MACF1: variants seen among roughly 807,000 people sequenced by gnomAD.
MACF1 encodes microtubule-actin cross-linking factor 1.
Under a neutral mutation model 854.8 loss-of-function variants are expected in MACF1, and 193 were observed. The ratio of observed to expected loss-of-function variants is 0.23; its 90% CI spans 0.20 to 0.25. MACF1 has a LOEUF of 0.25. Among genes scored for constraint, MACF1 ranks in the 10% least tolerant of loss-of-function variants. The pLI is 1.00. For missense variants in MACF1, 7,722 were observed against 8,929.1 expected, an observed-to-expected ratio of 0.86 and a Z score of 5.45; for synonymous variants, 3,185 against 3,226.7, an observed-to-expected ratio of 0.99 and a Z score of 0.44.
At chr1:39,124,538 TAATTA>T (rs1195744796) in intron 2 of MACF1, among the ~76,000 whole-genome samples, 3 of 152,224 alleles carry the variant, frequency 2.0e-5, no homozygotes, top group Non-Finnish European at 4.4e-5. Flanking sequence ...TTATTACTAA[TAATTA>T]AATTAGGCAA....
intron 6 of MACF1, among the ~76,000 whole-genome samples, chr1:39,268,191 C>T (rs1167918234): frequency 6.6e-6 from 1 of 152,112 alleles, no homozygotes; most frequent in Non-Finnish European, 1.5e-5. Flanking sequence ...TTTGCTTTTT[C>T]CCTTTTTGGT....
rs1185395603 is a variant in MACF1 at position 39,454,786 on chromosome 1, C to T, written c.20887-123C>T. The T allele has an allele frequency of 8.4e-6, 7 of 834,104 alleles. No individual in the cohort carries two copies. The African/African-American group carries it at 8.7e-5, about 10-fold the overall frequency. 51.7% of individuals were successfully genotyped at this position (834,104 alleles called of 1,614,324 possible). On this transcript the variant is annotated intron_variant, in intron 88 of 100. Coordinates refer to ENST00000564288, the MANE Select transcript of MACF1 (RefSeq NM_001394062.1). ...CTACACTCCAGTGTGGGTGACAGAG[C>T]GAGAGTCTGTCTCCAAAAAAATAAA...
At position 39,347,218 on chromosome 1, in the gene MACF1, T is replaced by G. The variant is rs1283277551; in HGVS notation, c.10815+8T>G. Reference sequence around the variant, plus strand: ...CAGGAAGCCCTGGTGAAGGTCAGACTGAACCAGCAGCTGGGCTCAGTTTGT... The same window carrying G: ...CAGGAAGCCCTGGTGAAGGTCAGACGGAACCAGCAGCTGGGCTCAGTTTGT... On this transcript the variant is annotated splice_region_variant and intron_variant, in intron 41 of 100. Coordinates refer to ENST00000564288, the MANE Select transcript of MACF1 (RefSeq NM_001394062.1). 1 of 1,598,500 alleles carries G rather than the reference T, an allele frequency of 6.3e-7. No homozygotes were observed. Among genetic ancestry groups the G allele is most frequent in the East Asian group, 2.2e-5 (1 of 44,828 alleles).
At chr1:39,303,786 C>T (rs528184230) in intron 23 of MACF1, among the ~76,000 whole-genome samples, 2 of 151,078 alleles carry the variant, frequency 1.3e-5, no homozygotes, top group East Asian at 3.9e-4. Flanking sequence ...ATCAGAGAAT[C>T]GCTTGAACCT....
chr1:39,214,531 G>T (rs533798305), intron 1 of MACF1, among the ~76,000 whole-genome samples: 4 of 152,198 alleles, frequency 2.6e-5, no homozygotes, highest in Non-Finnish European at 5.9e-5. Flanking sequence ...TGCCATTCCT[G>T]GCTGTGAGGG....
chr1:39,347,099 G>C lies in MACF1; in HGVS notation c.10704G>C (p.Arg3568Ser). ...LSPQQNRQML[R>S]LLNELQRSFQ... ...CTCAGCAGAATCGACAGATGCTGAG[G>C]CTTCTGAATGAACTGCAGAGGTCCT... The change falls in exon 41 of 101, where the codon AGG (arginine) becomes AGC (serine). Residue 3568 changes from arginine to serine, a missense_variant. By Grantham distance (110) the Arg-to-Ser change is moderately radical (BLOSUM62 -1). Around this residue, in one of 15 missense-constraint regions of MACF1, gnomAD observed 854 missense variants for 852.6 expected, o/e 1.00. Transcript: ENST00000564288. 2 of 1,614,104 alleles carry C rather than the reference G, an allele frequency of 1.2e-6. No homozygotes were observed. The highest frequency in any genetic ancestry group is 1.7e-6 in the Non-Finnish European group (2 of 1,179,938).
At chr1:39,391,499 C>T (rs1350428868) in intron 58 of MACF1, among the ~76,000 whole-genome samples, 1 of 152,182 alleles carries the variant, frequency 6.6e-6, no homozygotes, top group African/African-American at 2.4e-5. Context: ...TATCACTTTT[C>T]ACTGCTGTCA....
chr1:39,231,350 C>A, intron 2 of MACF1, 107 bp downstream of exon 2: 1 of 997,584 alleles, frequency 1.0e-6, no homozygotes, highest in Non-Finnish European at 1.6e-6. Context: ...GTGCTCAAGT[C>A]TATGAAGATA....
At chr1:39,367,144 A>G (rs1045698092) in intron 49 of MACF1, among the ~76,000 whole-genome samples, 3 of 151,712 alleles carry the variant, frequency 2.0e-5, no homozygotes, top group African/African-American at 7.3e-5. Context: ...ACGGAGTTTC[A>G]CCATGTTGGC....
intron 2 of MACF1, among the ~76,000 whole-genome samples, chr1:39,120,778 C>T (rs1307456185): frequency 2.2e-5 from 3 of 138,320 alleles, no homozygotes; most frequent in African/African-American, 8.1e-5. Flanking sequence ...GTGAAATAAG[C>T]ACATCATGGA....
rs775732861 is a variant in MACF1, at chr1:39,285,591, C to T, written c.1354-13C>T. On this transcript the variant is annotated splice_polypyrimidine_tract_variant and intron_variant, in intron 13 of 100. Transcript: ENST00000564288. The stretch of plus-strand genomic sequence containing the variant: ...GGAAGTTTTCCCACTGTTATTCTCT[C>T]TTCCTGTCTCAGGATGCTGCTCACC... 13 of 1,611,478 alleles carry T rather than the reference C, an allele frequency of 8.1e-6. No individual in the cohort carries two copies. The highest frequency in any genetic ancestry group is 1.1e-5 in the Non-Finnish European group (13 of 1,178,384).
chr1:39,209,704 A>T (rs1644493939), intron 1 of MACF1, among the ~76,000 whole-genome samples: 1 of 152,136 alleles, frequency 6.6e-6, no homozygotes, highest in African/African-American at 2.4e-5. Context: ...GATCAATTAT[A>T]AAATGGCCAA....
rs1647682975 is a variant in MACF1 at position 39,357,360 on chromosome 1, A to T, written c.11425-15A>T. The T allele has an allele frequency of 2.5e-6, 4 of 1,590,090 alleles. No homozygotes were observed. The highest frequency in any genetic ancestry group is 3.4e-6 in the Non-Finnish European group (4 of 1,165,382). ...TACTGATTGTCCTTTGTTTGGGGGG[A>T]TTTTTTTTTACCAGGCCCGTCACCA... On this transcript the variant is annotated splice_polypyrimidine_tract_variant and intron_variant, in intron 44 of 100. Transcript: ENST00000564288.
intron 55 of MACF1, 30 bp from the exon 56 acceptor site, chr1:39,381,923 G>A (rs1401440315): frequency 6.5e-7 from 1 of 1,534,508 alleles, no homozygotes; most frequent in African/African-American, 1.4e-5. Context: ...ATAATGTAAA[G>A]GAATACATTC....
rs367715036 is a variant in MACF1 at position 39,451,160 on chromosome 1, G to C, written c.20367G>C (p.Gln6789His). 6.2e-7 allele frequency: 1 copy of C among 1,614,180 alleles called. No homozygotes were observed. The highest frequency in any genetic ancestry group is 8.5e-7 in the Non-Finnish European group (1 of 1,180,032). Residue 6789 changes from glutamine to histidine, a missense_variant, in exon 85 of 101, where the codon CAG (glutamine) becomes CAC (histidine). Gln to His is a conservative substitution (Grantham distance 24). Coordinates refer to ENST00000564288, the MANE Select transcript of MACF1 (RefSeq NM_001394062.1). ...YKVEPQLAED[Q>H]PVHGDLDLVM... ...TGGAGCCACAGCTGGCTGAGGACCAGCCCGTGCACGGGGACCTTGACCTCG... is the reference window on the plus strand; with the variant it reads ...TGGAGCCACAGCTGGCTGAGGACCACCCCGTGCACGGGGACCTTGACCTCG...
intron 40 of MACF1, among the ~76,000 whole-genome samples, chr1:39,345,638 A>G (rs574420031): frequency 1.2e-4 from 18 of 152,262 alleles, no homozygotes; most frequent in Non-Finnish European, 2.1e-4. Context: ...CGAATCATAA[A>G]CAAATTATAT....
In MACF1 at chr1:39,340,690, C is replaced by T; in HGVS notation, c.10404C>T (p.His3468=). The T allele has an allele frequency of 6.2e-7, 1 of 1,614,200 alleles. No individual in the cohort carries two copies. The highest frequency in any genetic ancestry group is 8.5e-7 in the Non-Finnish European group (1 of 1,180,020). ...ACACTTGGAATTCCAGGCTACTCCA[C>T]TTCCAGAATGCTGTGGAAATAGAAA... is the stretch of plus-strand genomic sequence containing the variant. ...VSDTWNSRLL[H]FQNAVEIEKT... Residue 3468 remains histidine, a synonymous_variant, in exon 39 of 101, where the codon CAC becomes CAT. Transcript: ENST00000564288.
rs146433659 is a variant in MACF1, at chr1:39,390,014, G to A, written c.15816+1356G>A. On this transcript the variant is annotated intron_variant, in intron 58 of 100. Coordinates refer to ENST00000564288, the MANE Select transcript of MACF1 (RefSeq NM_001394062.1). ...GTGTGAGTATAAATTAAAGTAACAG[G>A]AGATGATTACATGACCCAAAAGTGT... is the stretch of plus-strand genomic sequence containing the variant. Among the ~76,000 whole-genome samples the A allele has an allele frequency of 6.6e-3, 1,003 of 152,284 alleles. 11 individuals are homozygous for A. The highest frequency in any genetic ancestry group is 0.023 in the African/African-American group (949 of 41,542).
In MACF1 at chr1:39,388,182, A is replaced by C; in HGVS notation, c.15340A>C (p.Met5114Leu). The change falls in exon 58 of 101, where the codon ATG becomes CTG. Residue 5114 changes from methionine (M) to leucine (L), a missense_variant. Met to Leu is a conservative substitution (Grantham distance 15). Transcript: ENST00000564288. ...KQRVNSGCVM[M>L]ENKLEGIGQF... is the part of the protein sequence containing the mutation. Reference sequence around the variant, plus strand: ...AAGAGTGAACAGTGGTTGTGTGATGATGGAAAACAAGCTGGAGGGGATTGG... The same window carrying C: ...AAGAGTGAACAGTGGTTGTGTGATGCTGGAAAACAAGCTGGAGGGGATTGG... 1 of 1,614,170 alleles carries C rather than the reference A, an allele frequency of 6.2e-7. No individual in the cohort carries two copies. The highest frequency in any genetic ancestry group is 8.5e-7 in the Non-Finnish European group (1 of 1,180,038).
Sources: gnomAD v4.1 joint callset for allele counts (sites outside exome capture counted in the v4.1 genomes callset) on GRCh38, gnomAD v4.1.1 for gene constraint, gnomAD v4.1.1 regional missense constraint, MANE v1.5 for transcripts, NCBI Gene and HGNC (gene_info 2026-07-23, HGNC 2026-07-21) for gene names.